CNTLN: variants seen among roughly 807,000 people sequenced by gnomAD.
CNTLN encodes the protein centlein.
Under a neutral mutation model 180.0 loss-of-function variants are expected in CNTLN, and 212 were observed. The observed-to-expected ratio is 1.18, with a 90% CI of 1.05 to 1.32. CNTLN has a LOEUF of 1.32. Ranked by LOEUF, CNTLN falls within the 40% of genes most tolerant of loss-of-function variation. CNTLN has a pLI of 0.00. For missense variants in CNTLN, 2,095 were observed against 1,610.9 expected, an observed-to-expected ratio of 1.30 and a Z score of -5.14; for synonymous variants, 722 against 563.1, an observed-to-expected ratio of 1.28 and a Z score of -3.99.
chr9:17,524,255 G>C, the CNTLN span, among the ~76,000 whole-genome samples: 53 of 152,138 alleles, frequency 3.5e-4, no homozygotes, highest in Non-Finnish European at 1.0e-4. Context: ...TATGGAGGCT[G>C]AGAATTTCTA....
At chr9:17,304,442 GT>G (rs1472188344) in intron 7 of CNTLN, among the ~76,000 whole-genome samples, 3 of 152,132 alleles carry the variant, frequency 2.0e-5, no homozygotes, top group African/African-American at 7.2e-5. Flanking sequence ...ATCCAACATG[GT>G]TGGGGTACTA....
intron 12 of CNTLN, among the ~76,000 whole-genome samples, chr9:17,344,762 G>C (rs1359446862): frequency 6.6e-6 from 1 of 152,126 alleles, no homozygotes; most frequent in Admixed American, 6.6e-5. Context: ...ATTGTATGTA[G>C]TATGTTGAAT....
At chr9:17,180,335 G>T in intron 2 of CNTLN, among the ~76,000 whole-genome samples, 1 of 138,136 alleles carries the variant, frequency 7.2e-6, no homozygotes, top group African/African-American at 2.8e-5. Context: ...TATCTTTAGT[G>T]GTTGCTCTAA....
intron 7 of CNTLN, chr9:17,298,870 A>G: frequency 1.0e-6 from 1 of 985,338 alleles, no homozygotes; most frequent in South Asian, 4.7e-5. Context: ...TTGTTTTAGG[A>G]GCCTTTCAAG....
chr9:17,306,976 C>A (rs1311142455), intron 7 of CNTLN, among the ~76,000 whole-genome samples: 2 of 152,156 alleles, frequency 1.3e-5, no homozygotes, highest in Admixed American at 6.5e-5. Context: ...TACCCTAAAC[C>A]CAGTTATGAG....
chr9:17,490,281 T>G (rs948853899), intron 25 of CNTLN, among the ~76,000 whole-genome samples: 2 of 151,982 alleles, frequency 1.3e-5, no homozygotes, highest in African/African-American at 4.8e-5. Flanking sequence ...GCCATGGTAT[T>G]AGAAAGGCTG....
Position 17,260,263 on chromosome 9 carries a change from A to C in CNTLN, c.850-13470A>C, listed in dbSNP as rs1826853717. 2.0e-5 allele frequency among the ~76,000 whole-genome samples: 3 copies of C among 150,014 alleles called. No homozygotes were observed. In the South Asian group the frequency reaches 6.3e-4, roughly 32 times the overall value. On this transcript the variant is annotated intron_variant, in intron 5 of 25. Transcript: ENST00000380647. ...GTAGTCATTCAGGAGCAGGTTGTTCAGTTTCCATGTAGTTGAGCGGTTTTG... is the reference window on the plus strand; with the variant it reads ...GTAGTCATTCAGGAGCAGGTTGTTCCGTTTCCATGTAGTTGAGCGGTTTTG...
chr9:17,229,499 G>T (rs1332617049), intron 3 of CNTLN, among the ~76,000 whole-genome samples: 1 of 151,946 alleles, frequency 6.6e-6, no homozygotes, highest in Non-Finnish European at 1.5e-5. Context: ...AGGGCAGCCT[G>T]GCAGAATGGA....
In CNTLN at chr9:17,409,278, C is replaced by CT. The variant is rs747162260; in HGVS notation, c.2616-9dup. On this transcript the variant is annotated splice_polypyrimidine_tract_variant and intron_variant, in intron 15 of 25. Transcript: ENST00000380647. The stretch of plus-strand genomic sequence containing the variant: ...TTTATTCTTGGATTTTATGTCCCTA[C>CT]TTTTTTCTAAAAAGCAGTGATTCTG... 8.1e-6 allele frequency: 13 copies of CT among 1,601,722 alleles called. No individual in the cohort carries two copies. Among genetic ancestry groups the CT allele is most frequent in the Admixed American group, 1.8e-5 (1 of 56,352 alleles).
intron 13 of CNTLN, among the ~76,000 whole-genome samples, chr9:17,383,971 A>G (rs1184792063): frequency 2.6e-5 from 4 of 152,192 alleles, no homozygotes; most frequent in African/African-American, 9.7e-5. Context: ...TCAGAAACAC[A>G]GTTACAATGT....
intron 16 of CNTLN, among the ~76,000 whole-genome samples, chr9:17,414,919 ATC>A (rs1828111766): frequency 6.6e-6 from 1 of 152,020 alleles, no homozygotes; most frequent in Admixed American, 6.6e-5. Flanking sequence ...GTGAAACCCC[ATC>A]TCTACCAAAA....
chr9:17,469,185 A>G (rs1316508781), intron 23 of CNTLN, among the ~76,000 whole-genome samples: 1 of 151,826 alleles, frequency 6.6e-6, no homozygotes, highest in Non-Finnish European at 1.5e-5. Context: ...ATTATTATAC[A>G]TAATAAAGTT....
intron 25 of CNTLN, among the ~76,000 whole-genome samples, chr9:17,492,776 A>C (rs945069721): frequency 6.6e-6 from 1 of 152,188 alleles, no homozygotes; most frequent in Non-Finnish European, 1.5e-5. Context: ...TCAAACAGAT[A>C]TTTGTACACC....
At chr9:17,396,724 T>G (rs979439359) in intron 15 of CNTLN, among the ~76,000 whole-genome samples, 2 of 152,212 alleles carry the variant, frequency 1.3e-5, no homozygotes, top group African/African-American at 2.4e-5. Context: ...AATTATAACC[T>G]TTGGAGTGGG....
intron 7 of CNTLN, chr9:17,298,941 A>C (rs999963904): frequency 3.0e-6 from 3 of 985,044 alleles, no homozygotes; most frequent in African/African-American, 1.7e-5. Flanking sequence ...TAATCTACTA[A>C]TTAAAAAAAA....
intron 23 of CNTLN, among the ~76,000 whole-genome samples, chr9:17,477,968 C>T (rs1483448134): frequency 6.6e-6 from 1 of 152,142 alleles, no homozygotes; most frequent in Non-Finnish European, 1.5e-5. Flanking sequence ...TGGCAAGTTT[C>T]ACTGTTGTCT....
the CNTLN span, among the ~76,000 whole-genome samples, chr9:17,519,464 C>G: frequency 6.6e-6 from 1 of 152,166 alleles, no homozygotes; most frequent in Admixed American, 6.5e-5. Flanking sequence ...TTCTCACTCA[C>G]TTACTGTATA....
At chr9:17,405,447 T>C (rs1387245112) in intron 15 of CNTLN, among the ~76,000 whole-genome samples, 1 of 151,782 alleles carries the variant, frequency 6.6e-6, no homozygotes, top group African/African-American at 2.4e-5. Flanking sequence ...GGCTGTGTCA[T>C]CATGGCCGAA....
chr9:17,226,917 A>T (rs1407082647), intron 3 of CNTLN, among the ~76,000 whole-genome samples: 1 of 151,138 alleles, frequency 6.6e-6, no homozygotes, highest in Non-Finnish European at 1.5e-5. Context: ...ACTTTTTTTT[A>T]ATTTTTTTAA....
Sources: gnomAD v4.1 joint callset for allele counts (sites outside exome capture counted in the v4.1 genomes callset) on GRCh38, gnomAD v4.1.1 for gene constraint, MANE v1.5 for transcripts, NCBI Gene and HGNC (gene_info 2026-07-23, HGNC 2026-07-21) for gene names.